The following CCR3 variants were observed in gnomAD, a reference collection of about 807,000 sequenced individuals.
The protein encoded by CCR3 is C-C chemokine receptor type 3.
For missense variants in CCR3, 419 were observed against 437.5 expected (o/e 0.96, Z 0.38); for synonymous variants, 203 against 179.2 (o/e 1.13, Z -1.06).
intron 2 of CCR3, among the ~76,000 whole-genome samples, chr3:46,228,476 G>A (rs1239685288): frequency 6.6e-6 from 1 of 152,090 alleles, no homozygotes; most frequent in Non-Finnish European, 1.5e-5. Flanking sequence ...CTGGCCATCT[G>A]CCCTGAGGTC....
intron 2 of CCR3, among the ~76,000 whole-genome samples, chr3:46,217,106 G>C (rs1437655662): frequency 6.6e-6 from 1 of 152,146 alleles, no homozygotes; most frequent in Non-Finnish European, 1.5e-5. Context: ...AAGGTAAAGT[G>C]AGGGGGAGGG....
At position 46,265,766 on chromosome 3, in the gene CCR3, T is replaced by C. The variant is rs1700615794; in HGVS notation, c.608T>C (p.Met203Thr). ...TGGAGGCATTTCCACACTCTGAGAA[T>C]GACCATCTTCTGTCTCGTTCTCCCT... ...YSWRHFHTLR[M>T]TIFCLVLPLL... The change falls in exon 2 of 2, where the codon ATG becomes ACG. Residue 203 changes from methionine (M) to threonine (T), a missense_variant. Transcript: ENST00000395940. 1 of 1,613,924 alleles carries C rather than the reference T, an allele frequency of 6.2e-7. No homozygotes were observed. Among genetic ancestry groups the C allele is most frequent in the Non-Finnish European group, 8.5e-7 (1 of 1,180,006 alleles).
intron 1 of CCR3, chr3:46,263,902 A>G (rs1393522646): frequency 2.6e-5 from 4 of 154,408 alleles, no homozygotes; most frequent in African/African-American, 9.6e-5. Context: ...AATTCCCCGC[A>G]TTGGCCCCAG....
chr3:46,261,824 G>T (rs1005914862), intron 1 of CCR3, among the ~76,000 whole-genome samples: 1 of 152,262 alleles, frequency 6.6e-6, no homozygotes, highest in African/African-American at 2.4e-5. Flanking sequence ...GCAGGAAAAG[G>T]TGCATAGCCT....
chr3:46,215,113 C>T (rs1286178165), intron 2 of CCR3, among the ~76,000 whole-genome samples: 2 of 152,140 alleles, frequency 1.3e-5, no homozygotes, highest in Non-Finnish European at 2.9e-5. Flanking sequence ...GATAATGATC[C>T]TTGTACTCCA....
chr3:46,218,410 A>C (rs1300380715), intron 2 of CCR3, among the ~76,000 whole-genome samples: 5 of 152,126 alleles, frequency 3.3e-5, no homozygotes, highest in African/African-American at 1.2e-4. Context: ...AAGAATTGGC[A>C]CCAATCCTAC....
intron 1 of CCR3, among the ~76,000 whole-genome samples, chr3:46,249,973 C>G (rs957662571): frequency 1.3e-5 from 2 of 151,686 alleles, no homozygotes. Flanking sequence ...TATTTAATGT[C>G]GGGAGCAGAT....
chr3:46,213,660 T>C (rs1025100046), intron 2 of CCR3, among the ~76,000 whole-genome samples: 3 of 152,304 alleles, frequency 2.0e-5, no homozygotes, highest in South Asian at 4.1e-4. Context: ...CATATGCCCA[T>C]GATCATAGCT....
intron 1 of CCR3, among the ~76,000 whole-genome samples, chr3:46,252,357 A>T (rs1258965282): frequency 4.0e-5 from 6 of 149,192 alleles, no homozygotes; most frequent in South Asian, 2.1e-4. Flanking sequence ...TTTTTTTTTT[A>T]AAGTAGAGAC....
chr3:46,252,886 A>G (rs1214101269), intron 1 of CCR3, among the ~76,000 whole-genome samples: 2 of 152,004 alleles, frequency 1.3e-5, no homozygotes, highest in Non-Finnish European at 2.9e-5. Context: ...CACTACATTT[A>G]AAATAGGTTG....
In CCR3 at chr3:46,266,640, G is replaced by A. The variant is rs1465316521; in HGVS notation, c.*414G>A. The stretch of plus-strand genomic sequence containing the variant: ...AGTTAACTATTTTATTTTCTAATGT[G>A]CCTAGTTCTTTCCCTGCTTAATGAA... On this transcript the variant is annotated 3_prime_UTR_variant, in exon 2 of 2. Transcript: ENST00000395940. The A allele has an allele frequency of 5.8e-6, 1 of 173,634 alleles. No homozygotes were observed. The highest frequency in any genetic ancestry group is 1.4e-5 in the Non-Finnish European group (1 of 73,048). The allele number at this position is 173,634 out of a possible 1,614,324, so 10.8% of individuals were successfully genotyped here.
chr3:46,256,763 T>TTTATAAACA (rs1410292826), intron 1 of CCR3, among the ~76,000 whole-genome samples: 5 of 152,282 alleles, frequency 3.3e-5, no homozygotes, highest in Admixed American at 3.3e-4. Flanking sequence ...CTTTATAAAC[T>TTTATAAACA]GTAGTCATCT....
At chr3:46,242,128 G>A (rs1700093632), upstream of CCR3, among the ~76,000 whole-genome samples, 1 of 125,826 alleles carries the variant, frequency 7.9e-6, no homozygotes, top group South Asian at 2.3e-4. Flanking sequence ...ATGAAATCCT[G>A]TCTTAAAAAA....
At chr3:46,229,043 A>G (rs1699933506) in intron 2 of CCR3, among the ~76,000 whole-genome samples, 1 of 152,112 alleles carries the variant, frequency 6.6e-6, no homozygotes, top group Non-Finnish European at 1.5e-5. Context: ...GAGAGCTTTG[A>G]TAGCTTGTGG....
At chr3:46,224,800 G>A (rs115751722) in intron 2 of CCR3, among the ~76,000 whole-genome samples, 1 of 147,290 alleles carries the variant, frequency 6.8e-6, no homozygotes, top group Non-Finnish European at 1.5e-5. Flanking sequence ...ACAATACCAA[G>A]TATTAAAAAG....
At chr3:46,251,627 G>A (rs1700315610) in intron 1 of CCR3, among the ~76,000 whole-genome samples, 1 of 152,192 alleles carries the variant, frequency 6.6e-6, no homozygotes, top group Admixed American at 6.5e-5. Context: ...TCCTTGTGAA[G>A]AGACCACCAA....
At chr3:46,238,275 C>T (rs988887568), upstream of CCR3, among the ~76,000 whole-genome samples, 2 of 151,258 alleles carry the variant, frequency 1.3e-5, no homozygotes, top group Admixed American at 6.6e-5. Flanking sequence ...GTTAGTCATT[C>T]TAGTAAGTAT....
intron 1 of CCR3, among the ~76,000 whole-genome samples, chr3:46,250,031 A>G (rs1256396837): frequency 6.6e-6 from 1 of 152,108 alleles, no homozygotes; most frequent in Non-Finnish European, 1.5e-5. Flanking sequence ...TTGACCTTTT[A>G]GGGTCTAGGG....
chr3:46,245,512 C>G (rs574826249), intron 1 of CCR3, among the ~76,000 whole-genome samples: 170 of 150,846 alleles, frequency 1.1e-3, no homozygotes, highest in African/African-American at 4.0e-3. Context: ...AAAAACAAAA[C>G]AAAACAAAAC....
Sources: allele counts gnomAD v4.1 joint callset (sites outside exome capture counted in the v4.1 genomes callset), GRCh38; gene constraint gnomAD v4.1.1; transcripts MANE v1.5; gene names NCBI Gene and HGNC (gene_info 2026-07-23, HGNC 2026-07-21).